BCAS3: variants seen among roughly 807,000 people sequenced by gnomAD.
The protein encoded by BCAS3 is BCAS3 microtubule associated cell migration factor.
A neutral mutation model predicts 116.1 loss-of-function variants in BCAS3; 53 were observed. The observed-to-expected ratio is 0.46, with a 90% confidence interval of 0.37 to 0.57. The LOEUF (loss-of-function observed/expected upper bound fraction) is 0.57. Among genes scored for constraint, BCAS3 ranks in the 20% least tolerant of loss-of-function variants. The pLI, the probability that BCAS3 is intolerant of heterozygous loss-of-function variation, is 0.00. For missense variants in BCAS3, 917 were observed against 1,165.4 expected, an observed-to-expected ratio of 0.79 and a Z score of 3.10; for synonymous variants, 391 against 408.2, an observed-to-expected ratio of 0.96 and a Z score of 0.51.
intron 22 of BCAS3, among the ~76,000 whole-genome samples, chr17:61,185,762 C>G (rs2079732908): frequency 6.6e-6 from 1 of 152,102 alleles, no homozygotes; most frequent in African/African-American, 2.4e-5. Flanking sequence ...AACTTTAATG[C>G]AGAAGTCATT....
At position 61,124,983 on chromosome 17, in the gene BCAS3, C is replaced by A. The variant is rs1238482000; in HGVS notation, c.2425+40419C>A. ...AGACAAATTCCCTTTTCTTTCTTCA[C>A]TTATAAATAATGGTGGCTTTCATAG... On this transcript the variant is annotated intron_variant, in intron 22 of 23. Transcript: ENST00000407086. The surrounding 1 kb of genome is among the most constrained non-coding windows in gnomAD (Gnocchi z 4.6). Among the ~76,000 whole-genome samples the A allele has an allele frequency of 6.6e-6, 1 of 152,104 alleles. No homozygotes were observed. Among genetic ancestry groups the A allele is most frequent in the Non-Finnish European group, 1.5e-5 (1 of 68,008 alleles).
At chr17:60,978,636 G>A (rs1600173253) in intron 14 of BCAS3, among the ~76,000 whole-genome samples, 1 of 152,098 alleles carries the variant, frequency 6.6e-6, no homozygotes, top group South Asian at 2.1e-4. Flanking sequence ...ATGGTTTTAG[G>A]TCTAATGTTT....
intron 22 of BCAS3, among the ~76,000 whole-genome samples, chr17:61,191,490 T>G (rs1205070549): frequency 6.6e-6 from 1 of 152,006 alleles, no homozygotes; most frequent in Non-Finnish European, 1.5e-5. Flanking sequence ...AAATAATGAC[T>G]TAAGGCCAGG....
Position 61,222,661 on chromosome 17 carries a change from G to A in BCAS3, c.2425+138097G>A, listed in dbSNP as rs1024196139. Among the ~76,000 whole-genome samples, 2 of 152,128 alleles carry A rather than the reference G, an allele frequency of 1.3e-5. No homozygotes were observed. The highest frequency in any genetic ancestry group is 4.1e-4 in the South Asian group (2 of 4,826). The stretch of plus-strand genomic sequence containing the variant: ...TTGTTGATTGGGTGATTTATGTCAC[G>A]TGGTATATGGGTTTTTTTTGTTTGT... On this transcript the variant is annotated intron_variant, in intron 22 of 23. Coordinates refer to ENST00000407086, the MANE Select transcript of BCAS3 (RefSeq NM_017679.5). The surrounding 1 kb of genome is among the most constrained non-coding windows in gnomAD (Gnocchi z 6.1).
At chr17:60,908,548 A>G (rs2058313502) in intron 11 of BCAS3, among the ~76,000 whole-genome samples, 1 of 152,224 alleles carries the variant, frequency 6.6e-6, no homozygotes, top group South Asian at 2.1e-4. Flanking sequence ...TGCTCTTGAC[A>G]TCAATACACT....
chr17:61,134,417 C>G lies in BCAS3; in HGVS notation c.2425+49853C>G, dbSNP rs556211875. Among the ~76,000 whole-genome samples, 1 of 152,110 alleles carries G rather than the reference C, an allele frequency of 6.6e-6. No individual in the cohort carries two copies. Among genetic ancestry groups the G allele is most frequent in the Non-Finnish European group, 1.5e-5 (1 of 68,026 alleles). On this transcript the variant is annotated intron_variant, in intron 22 of 23. Coordinates refer to ENST00000407086, the MANE Select transcript of BCAS3 (RefSeq NM_017679.5). This position sits in a 1 kb window ranked among gnomAD's most constrained non-coding sequence, Gnocchi z 4.6. ...ACAGTAAGCTGGTGGAATGAGGATT[C>G]GGAACCACGCATGTCTGACTCCAGA...
chr17:61,212,225 A>T (rs1331281191), intron 22 of BCAS3, among the ~76,000 whole-genome samples: 2 of 152,160 alleles, frequency 1.3e-5, no homozygotes, highest in African/African-American at 4.8e-5. Context: ...AAGCTCAAAT[A>T]GTTTTATTTT....
intron 6 of BCAS3, among the ~76,000 whole-genome samples, chr17:60,785,396 C>T (rs1471706388): frequency 6.6e-6 from 1 of 152,028 alleles, no homozygotes; most frequent in African/African-American, 2.4e-5. Context: ...TGGCCTTAAG[C>T]AATCCACCTA....
At chr17:60,715,862 T>A (rs2038538257) in intron 5 of BCAS3, among the ~76,000 whole-genome samples, 1 of 151,892 alleles carries the variant, frequency 6.6e-6, no homozygotes, top group Non-Finnish European at 1.5e-5. Context: ...AGTTATTTTT[T>A]ATTTTATTTT....
At chr17:60,891,533 G>C (rs549812030) in intron 10 of BCAS3, among the ~76,000 whole-genome samples, 3 of 152,272 alleles carry the variant, frequency 2.0e-5, no homozygotes, top group Admixed American at 6.5e-5. Flanking sequence ...GCATTTATTA[G>C]TTTCTAATTG....
intron 5 of BCAS3, among the ~76,000 whole-genome samples, chr17:60,735,091 A>T (rs1047811508): frequency 6.6e-6 from 1 of 152,212 alleles, no homozygotes; most frequent in Non-Finnish European, 1.5e-5. Context: ...ACTAATGTAC[A>T]TGGTAATGTA....
intron 22 of BCAS3, among the ~76,000 whole-genome samples, chr17:61,185,937 C>T (rs2079744801): frequency 1.3e-5 from 2 of 152,196 alleles, no homozygotes; most frequent in African/African-American, 2.4e-5. Context: ...GTTGAAAATA[C>T]TGACTAAGAA....
At chr17:61,331,798 C>T (rs936996979) in intron 22 of BCAS3, among the ~76,000 whole-genome samples, 2 of 152,278 alleles carry the variant, frequency 1.3e-5, no homozygotes, top group Admixed American at 6.5e-5. Context: ...TCCAGTCGAG[C>T]GTGGCTTCTC....
In BCAS3 at chr17:61,224,627, A is replaced by G. The variant is rs919763836; in HGVS notation, c.2425+140063A>G. On this transcript the variant is annotated intron_variant, in intron 22 of 23. Transcript: ENST00000407086. The surrounding 1 kb of genome is among the most constrained non-coding windows in gnomAD (Gnocchi z 5.7). ...AGTCAACTGGTTTGTTGGGATTTGC[A>G]TCTTGCATCCACCACTTCTTACTTC... is the stretch of plus-strand genomic sequence containing the variant. Among the ~76,000 whole-genome samples, 1 of 152,220 alleles carries G rather than the reference A, an allele frequency of 6.6e-6. No individual in the cohort carries two copies. Among genetic ancestry groups the G allele is most frequent in the African/African-American group, 2.4e-5 (1 of 41,454 alleles).
chr17:61,145,548 A>G lies in BCAS3; in HGVS notation c.2425+60984A>G, dbSNP rs191195061. Among the ~76,000 whole-genome samples, 5 of 152,314 alleles carry G rather than the reference A, an allele frequency of 3.3e-5. No homozygotes were observed. The East Asian group carries it at 9.6e-4, about 29-fold the overall frequency. On this transcript the variant is annotated intron_variant, in intron 22 of 23. Coordinates refer to ENST00000407086, the MANE Select transcript of BCAS3 (RefSeq NM_017679.5). This position sits in a 1 kb window ranked among gnomAD's most constrained non-coding sequence, Gnocchi z 5.0. Reference sequence around the variant, plus strand: ...AGATGAAAAACAGACGGAGAGAGGCATTTCCAACCATCTTGCTGATCTGTG... The same window carrying G: ...AGATGAAAAACAGACGGAGAGAGGCGTTTCCAACCATCTTGCTGATCTGTG...
intron 14 of BCAS3, among the ~76,000 whole-genome samples, chr17:60,975,001 T>G (rs1568007482): frequency 1.4e-5 from 2 of 148,056 alleles, no homozygotes; most frequent in African/African-American, 5.1e-5. Flanking sequence ...GCTTTTTTGT[T>G]TTTTTTTTTT....
At chr17:60,902,514 C>A in intron 10 of BCAS3, 106 bp from the exon 11 acceptor site, 1 of 872,348 alleles carries the variant, frequency 1.1e-6, no homozygotes, top group Non-Finnish European at 1.8e-6. Context: ...ACATTCCCAC[C>A]CATCACCATC....
At chr17:61,155,606 A>G (rs1420856738) in intron 22 of BCAS3, among the ~76,000 whole-genome samples, 2 of 152,184 alleles carry the variant, frequency 1.3e-5, no homozygotes, top group African/African-American at 4.8e-5. Context: ...AGAGAGATAC[A>G]GGCTCCCAGA....
intron 7 of BCAS3, chr17:60,811,196 G>C: frequency 1.5e-6 from 1 of 681,074 alleles, no homozygotes; most frequent in South Asian, 1.5e-5. Context: ...ACTGGATCCT[G>C]CTGCACCTAG....
Sources: allele counts gnomAD v4.1 joint callset (sites outside exome capture counted in the v4.1 genomes callset), GRCh38; gene constraint gnomAD v4.1.1; non-coding constraint Gnocchi (gnomAD v3.1); transcripts MANE v1.5; gene names NCBI Gene and HGNC (gene_info 2026-07-23, HGNC 2026-07-21).